CABIN1: variants seen among roughly 807,000 people sequenced by gnomAD.
CABIN1 encodes the protein calcineurin binding protein 1.
A neutral mutation model predicts 227.7 loss-of-function variants in CABIN1; 133 were observed. That is an observed-to-expected ratio of 0.58 (90% CI 0.51 to 0.67). The LOEUF (loss-of-function observed/expected upper bound fraction) is 0.67, where lower values mean the gene tolerates loss of function less well. CABIN1 is among the 30% of genes least tolerant of loss of function. The pLI is 0.00. For missense variants in CABIN1, 2,408 were observed against 2,852.5 expected, an observed-to-expected ratio of 0.84 and a Z score of 3.55; for synonymous variants, 1,086 against 1,155.1, an observed-to-expected ratio of 0.94 and a Z score of 1.21.
intron 27 of CABIN1, among the ~76,000 whole-genome samples, chr22:24,115,986 G>C (rs925263450): frequency 6.6e-6 from 1 of 152,212 alleles, no homozygotes; most frequent in Non-Finnish European, 1.5e-5. Flanking sequence ...GCCACATCCT[G>C]CCTGGCATGA....
chr22:24,167,114 C>T lies in CABIN1; in HGVS notation c.5483C>T (p.Thr1828Ile), dbSNP rs1204753952. The change falls in exon 32 of 37, where the codon ACA becomes ATA. Residue 1828 changes from threonine (T) to isoleucine (I), a missense_variant. Physicochemically the swap from Thr to Ile is moderately conservative, Grantham distance 89. Coordinates refer to ENST00000263119, the MANE Select transcript of CABIN1 (RefSeq NM_012295.4). ...PAPAPAPATT[T>I]GTRAGGHPEE... ...CCCGCCCCCGCCCCCGCCACCACCACAGGGACCAGGGCAGGGGGCCACCCG... is the reference window on the plus strand; with the variant it reads ...CCCGCCCCCGCCCCCGCCACCACCATAGGGACCAGGGCAGGGGGCCACCCG... The T allele has an allele frequency of 6.4e-7, 1 of 1,565,098 alleles. No homozygotes were observed. The highest frequency in any genetic ancestry group is 8.6e-7 in the Non-Finnish European group (1 of 1,156,392).
At chr22:24,105,806 C>T (rs984333627) in intron 26 of CABIN1, among the ~76,000 whole-genome samples, 3 of 152,250 alleles carry the variant, frequency 2.0e-5, no homozygotes, top group Admixed American at 6.5e-5. Context: ...CTGACTTCTT[C>T]CATCTGGCCT....
chr22:24,127,820 T>TTA (rs1382450293), intron 28 of CABIN1, among the ~76,000 whole-genome samples: 1 of 137,884 alleles, frequency 7.3e-6, no homozygotes, highest in East Asian at 2.4e-4. Flanking sequence ...ATTTAACTTT[T>TTA]CATATATATA....
rs2148843489 is a variant in CABIN1 at position 24,177,445 on chromosome 22, A to G, written c.6206-59A>G. ...TGGGGGGAGCGGGTGGGGGCGAGATAAAGTGCTCACTGTGTGATGCGGCAG... is the reference window on the plus strand; with the variant it reads ...TGGGGGGAGCGGGTGGGGGCGAGATGAAGTGCTCACTGTGTGATGCGGCAG... On this transcript the variant is annotated intron_variant, in intron 35 of 36. Coordinates refer to ENST00000263119, the MANE Select transcript of CABIN1 (RefSeq NM_012295.4). The surrounding 1 kb of genome is among the most constrained non-coding windows in gnomAD (Gnocchi z 4.4). 1 of 1,407,324 alleles carries G rather than the reference A, an allele frequency of 7.1e-7. No homozygotes were observed. The highest frequency in any genetic ancestry group is 2.3e-5 in the East Asian group (1 of 42,748). The allele number at this position is 1,407,324 out of a possible 1,614,324, so 87.2% of individuals were successfully genotyped here.
chr22:24,054,865 C>T lies in CABIN1; in HGVS notation c.807-8C>T, dbSNP rs1463729441. On this transcript the variant is annotated splice_polypyrimidine_tract_variant and splice_region_variant and intron_variant, in intron 8 of 36. Coordinates refer to ENST00000263119, the MANE Select transcript of CABIN1 (RefSeq NM_012295.4). The stretch of plus-strand genomic sequence containing the variant: ...TGGTGATCAGGTGTTGTGGCCCTCT[C>T]CCTTTAGCTGGAAGTGCCTCGGAGA... 1.9e-6 allele frequency: 3 copies of T among 1,614,202 alleles called. No individual in the cohort carries two copies. The highest frequency in any genetic ancestry group is 2.5e-6 in the Non-Finnish European group (3 of 1,180,028).
rs750516828 is a variant in CABIN1 at position 24,178,150 on chromosome 22, C to T, written c.6617C>T (p.Ser2206Leu). The T allele has an allele frequency of 9.3e-6, 15 of 1,613,636 alleles. No homozygotes were observed. The highest frequency in any genetic ancestry group is 1.0e-5 in the Non-Finnish European group (12 of 1,179,956). Reference sequence around the variant, plus strand: ...CTGGAGACATCCAGCCAGGAGTCCTCGCTGGAGAGCGAGACAGACGAGGAC... The same window carrying T: ...CTGGAGACATCCAGCCAGGAGTCCTTGCTGGAGAGCGAGACAGACGAGGAC... ...EVLETSSQES[S>L]LESETDEDDD... Residue 2206 changes from serine (S) to leucine (L), a missense_variant, in exon 37 of 37, where the codon TCG becomes TTG. Transcript: ENST00000263119.
chr22:24,110,785 G>GT lies in CABIN1; in HGVS notation c.4118-2780dup, dbSNP rs139912920. Among the ~76,000 whole-genome samples the GT allele has an allele frequency of 2.2e-3, 341 of 151,678 alleles. 1 individual carries two copies. Among genetic ancestry groups the GT allele is most frequent in the Middle Eastern group, 0.01 (3 of 290 alleles). On this transcript the variant is annotated intron_variant, in intron 26 of 36. Coordinates refer to ENST00000263119, the MANE Select transcript of CABIN1 (RefSeq NM_012295.4). Reference sequence around the variant, plus strand: ...CTGTAATTCTTAACTTTGTCCCTCTGTATCTGATGTATCTTTCTCTGACTG... The same window carrying GT: ...CTGTAATTCTTAACTTTGTCCCTCTGTTATCTGATGTATCTTTCTCTGACTG...
intron 16 of CABIN1, among the ~76,000 whole-genome samples, chr22:24,070,065 C>CAAA (rs66725021): frequency 1.2e-4 from 14 of 115,406 alleles, no homozygotes; most frequent in African/African-American, 1.9e-4. Flanking sequence ...TATTCTAGGC[C>CAAA]AAAAAAAAAA....
In CABIN1 at chr22:24,055,095, C is replaced by G. The variant is rs753967904; in HGVS notation, c.1029C>G (p.Thr343=). ...VAVAEPVVSY[T]SVATTSFPLH... is the part of the protein sequence containing the mutation. The stretch of plus-strand genomic sequence containing the variant: ...TCGCCGAGCCTGTGGTCTCCTACAC[C>G]TCTGTGGCTACAACCAGCTTCCCAC... Residue 343 remains threonine (T), a synonymous_variant, in exon 9 of 37, where the codon ACC becomes ACG. Coordinates refer to ENST00000263119, the MANE Select transcript of CABIN1 (RefSeq NM_012295.4). 3.1e-6 allele frequency: 5 copies of G among 1,614,094 alleles called. No individual in the cohort carries two copies. Among genetic ancestry groups the G allele is most frequent in the Non-Finnish European group, 4.2e-6 (5 of 1,180,050 alleles).
chr22:24,038,277 T>TA, intron 3 of CABIN1, 71 bp from the exon 4 acceptor site: 1 of 1,220,752 alleles, frequency 8.2e-7, no homozygotes, highest in Non-Finnish European at 1.2e-6. Context: ...AGCCCCGCCT[T>TA]ACACACATTT....
chr22:24,081,685 T>C (rs919436293), intron 19 of CABIN1, among the ~76,000 whole-genome samples: 3 of 152,192 alleles, frequency 2.0e-5, no homozygotes, highest in African/African-American at 4.8e-5. Flanking sequence ...ATTGAATGGT[T>C]ATTTTAGTAT....
At chr22:24,169,073 G>T (rs373970790) in intron 33 of CABIN1, among the ~76,000 whole-genome samples, 17 of 151,886 alleles carry the variant, frequency 1.1e-4, no homozygotes, top group East Asian at 1.9e-4. Flanking sequence ...GGCTGGGGAG[G>T]GGGGGGCGGG....
chr22:24,021,095 G>A (rs998142724), intron 1 of CABIN1, among the ~76,000 whole-genome samples: 1 of 151,880 alleles, frequency 6.6e-6, no homozygotes, highest in Non-Finnish European at 1.5e-5. Context: ...GAACTCCTGG[G>A]TTCAAGTGAT....
chr22:24,121,239 T>C (rs2043393093), intron 28 of CABIN1, among the ~76,000 whole-genome samples: 1 of 152,212 alleles, frequency 6.6e-6, no homozygotes, highest in South Asian at 2.1e-4. Flanking sequence ...GGCTTGGCAC[T>C]GGCTATGTGC....
chr22:24,107,634 G>T (rs1177826335), intron 26 of CABIN1, among the ~76,000 whole-genome samples: 1 of 152,214 alleles, frequency 6.6e-6, no homozygotes, highest in Admixed American at 6.5e-5. Context: ...CTGCCTGCTG[G>T]ATGGATCCTG....
intron 18 of CABIN1, among the ~76,000 whole-genome samples, chr22:24,074,615 C>T (rs1465881619): frequency 6.6e-6 from 1 of 152,114 alleles, no homozygotes; most frequent in Admixed American, 6.6e-5. Context: ...ATAAAACACA[C>T]TATGGTTGGG....
At chr22:24,071,125 T>C (rs2040055536) in intron 17 of CABIN1, 83 bp downstream of exon 17, 5 of 1,584,032 alleles carry the variant, frequency 3.2e-6, no homozygotes, top group Non-Finnish European at 4.3e-6. Flanking sequence ...GTTCATAGCT[T>C]TCATTGCTAA....
intron 29 of CABIN1, among the ~76,000 whole-genome samples, chr22:24,152,380 G>T (rs972498410): frequency 2.6e-5 from 4 of 152,208 alleles, no homozygotes; most frequent in African/African-American, 9.6e-5. Flanking sequence ...TTGGGGGTCT[G>T]TGGGTCTAGG....
At chr22:24,170,664 G>T (rs1249457201) in intron 33 of CABIN1, among the ~76,000 whole-genome samples, 1 of 151,902 alleles carries the variant, frequency 6.6e-6, no homozygotes, top group Non-Finnish European at 1.5e-5. Context: ...GTCCACAGGG[G>T]CCCGTCCTGA....
Sources: gnomAD v4.1 joint callset for allele counts (sites outside exome capture counted in the v4.1 genomes callset) on GRCh38, gnomAD v4.1.1 for gene constraint, Gnocchi (gnomAD v3.1) non-coding constraint, MANE v1.5 for transcripts, NCBI Gene and HGNC (gene_info 2026-07-23, HGNC 2026-07-21) for gene names.